MYZAP: variants seen among roughly 807,000 people sequenced by gnomAD.
The protein encoded by MYZAP is myocardial zonula adherens protein.
A neutral mutation model predicts 69.4 loss-of-function variants in MYZAP; 66 were observed. The ratio of observed to expected loss-of-function variants is 0.95; its 90% CI spans 0.78 to 1.17. The LOEUF (loss-of-function observed/expected upper bound fraction) is 1.17, where lower values mean the gene tolerates loss of function less well. Ranked by LOEUF, MYZAP falls within the 50% of genes most tolerant of loss-of-function variation. The pLI, the probability that MYZAP is intolerant of heterozygous loss-of-function variation, is 0.00. For missense variants in MYZAP, 611 were observed against 556.2 expected (o/e 1.10, Z -0.99); for synonymous variants, 256 against 205.9 (o/e 1.24, Z -2.09).
At chr15:57,682,749 T>A (rs1411032467) in intron 12 of MYZAP, among the ~76,000 whole-genome samples, 1 of 152,160 alleles carries the variant, frequency 6.6e-6, no homozygotes, top group Non-Finnish European at 1.5e-5. Context: ...TTCCAGTCGT[T>A]CCAAAGGAGC....
intron 8 of MYZAP, 33 bp downstream of exon 8, chr15:57,633,774 G>T (rs541779682): frequency 2.0e-6 from 3 of 1,481,548 alleles, no homozygotes; most frequent in South Asian, 3.1e-5. Context: ...TTGCCCACTT[G>T]CCCAAACTTT....
chr15:57,657,249 T>G (rs1311151114), intron 10 of MYZAP, among the ~76,000 whole-genome samples: 1 of 152,204 alleles, frequency 6.6e-6, no homozygotes, highest in East Asian at 1.9e-4. Context: ...ATATTACCCC[T>G]GACTTTCTTG....
intron 8 of MYZAP, among the ~76,000 whole-genome samples, chr15:57,636,801 C>T (rs573320265): frequency 1.3e-5 from 2 of 152,270 alleles, no homozygotes; most frequent in Middle Eastern, 3.4e-3. Context: ...ACAAAGTGCA[C>T]GGCTTAGTGC....
At chr15:57,632,183 C>T (rs922399911) in intron 6 of MYZAP, among the ~76,000 whole-genome samples, 5 of 152,190 alleles carry the variant, frequency 3.3e-5, no homozygotes, top group African/African-American at 7.2e-5. Context: ...TTGAAAAAGT[C>T]ACTCATGTGG....
chr15:57,665,235 C>T (rs780020456), intron 11 of MYZAP, among the ~76,000 whole-genome samples: 1 of 152,230 alleles, frequency 6.6e-6, no homozygotes, highest in South Asian at 2.1e-4. Flanking sequence ...AGTCCTTTGC[C>T]TGCAGCAACC....
chr15:57,630,049 A>G (rs796706849), intron 6 of MYZAP, among the ~76,000 whole-genome samples, 195 bp downstream of exon 6: 10 of 145,454 alleles, frequency 6.9e-5, no homozygotes, highest in African/African-American at 2.3e-4. Flanking sequence ...GCTCACTGCA[A>G]CCTCCGCCTC....
At position 57,604,857 on chromosome 15, in the gene MYZAP, C is replaced by T. The variant is rs999859230; in HGVS notation, c.162+502C>T. ...AGGCATTCGGCAAACATTTTTGTGA[C>T]AGCTCCTGTGCTAAGTGCTGAGGCC... On this transcript the variant is annotated intron_variant, in intron 2 of 12. Transcript: ENST00000267853. 8.2e-4 allele frequency among the ~76,000 whole-genome samples: 125 copies of T among 152,206 alleles called. 2 individuals carry two copies. The highest frequency in any genetic ancestry group is 8.7e-4 in the Non-Finnish European group (59 of 68,052).
intron 7 of MYZAP, 91 bp from the exon 8 acceptor site, chr15:57,633,522 T>C (rs1255857180): frequency 7.1e-7 from 1 of 1,400,936 alleles, no homozygotes; most frequent in Non-Finnish European, 9.3e-7. Context: ...TAAAGAGAAA[T>C]CGTGATCTAG....
At chr15:57,631,838 A>T (rs1159233930) in intron 6 of MYZAP, among the ~76,000 whole-genome samples, 2 of 152,194 alleles carry the variant, frequency 1.3e-5, no homozygotes, top group African/African-American at 2.4e-5. Context: ...ATGAGAGCAA[A>T]CCTTCTGCAG....
At chr15:57,631,550 C>T (rs2036508749) in intron 6 of MYZAP, among the ~76,000 whole-genome samples, 1 of 152,144 alleles carries the variant, frequency 6.6e-6, no homozygotes, top group African/African-American at 2.4e-5. Flanking sequence ...AGAGCCCTTC[C>T]AGCAAGCTGT....
chr15:57,596,417 C>T (rs2034062129), intron 1 of MYZAP, among the ~76,000 whole-genome samples: 1 of 152,176 alleles, frequency 6.6e-6, no homozygotes, highest in South Asian at 2.1e-4. Flanking sequence ...AATATTTCAA[C>T]CCAAGATACT....
At chr15:57,605,535 A>G (rs755023794) in intron 2 of MYZAP, among the ~76,000 whole-genome samples, 2 of 152,170 alleles carry the variant, frequency 1.3e-5, no homozygotes, top group Admixed American at 1.3e-4. Flanking sequence ...TAAGTTTACC[A>G]TAGGTCTCTG....
At chr15:57,624,259 C>T (rs1464066836) in intron 4 of MYZAP, among the ~76,000 whole-genome samples, 1 of 152,148 alleles carries the variant, frequency 6.6e-6, no homozygotes, top group Non-Finnish European at 1.5e-5. Flanking sequence ...GAGTTAATAT[C>T]TGTGGGAAAG....
intron 6 of MYZAP, among the ~76,000 whole-genome samples, chr15:57,630,986 T>C (rs1228518861): frequency 3.9e-5 from 6 of 152,298 alleles, no homozygotes; most frequent in African/African-American, 1.4e-4. Flanking sequence ...CCGGTCTCTG[T>C]ATTGCCGCCC....
intron 4 of MYZAP, among the ~76,000 whole-genome samples, chr15:57,622,743 C>T (rs1439078477): frequency 1.3e-5 from 2 of 152,082 alleles, no homozygotes; most frequent in East Asian, 3.8e-4. Context: ...AAATAAAACC[C>T]AAAAGTGCCA....
rs532946203 is a variant in MYZAP, at chr15:57,613,183, C to T, written c.163-4850C>T. On this transcript the variant is annotated intron_variant, in intron 2 of 12. Transcript: ENST00000267853. ...TCCTGACCTTGTGATCCACCTGCCT[C>T]GGCCTCCCAAAGTGCTGGGATTACA... Among the ~76,000 whole-genome samples, 44 of 152,238 alleles carry T rather than the reference C, an allele frequency of 2.9e-4. 1 individual carries two copies. The highest frequency in any genetic ancestry group is 8.3e-4 in the South Asian group (4 of 4,824).
At chr15:57,629,126 G>C (rs2036343119) in intron 5 of MYZAP, among the ~76,000 whole-genome samples, 1 of 150,104 alleles carries the variant, frequency 6.7e-6, no homozygotes, top group Non-Finnish European at 1.5e-5. Flanking sequence ...ATAAAAAGAG[G>C]AATATCTCTA....
At chr15:57,602,364 T>C (rs2140328751) in intron 1 of MYZAP, among the ~76,000 whole-genome samples, 1 of 152,312 alleles carries the variant, frequency 6.6e-6, no homozygotes, top group Middle Eastern at 3.4e-3. Context: ...TTCCAGGCCC[T>C]TCTCCTTGGC....
At chr15:57,621,131 TG>T (rs2035781627) in intron 3 of MYZAP, among the ~76,000 whole-genome samples, 1 of 148,540 alleles carries the variant, frequency 6.7e-6, no homozygotes, top group African/African-American at 2.4e-5. Context: ...AACTAGTTGT[TG>T]GGGGTGACCT....
Sources: gnomAD v4.1 joint callset for allele counts (sites outside exome capture counted in the v4.1 genomes callset) on GRCh38, gnomAD v4.1.1 for gene constraint, MANE v1.5 for transcripts, NCBI Gene and HGNC (gene_info 2026-07-23, HGNC 2026-07-21) for gene names.